TACC1: variants seen among roughly 807,000 people sequenced by gnomAD.
The protein encoded by TACC1 is transforming acidic coiled-coil-containing protein 1.
In TACC1, 48 loss-of-function variants were observed where a neutral mutation model predicts 84.4. The ratio of observed to expected loss-of-function variants is 0.57; its 90% confidence interval spans 0.45 to 0.72. TACC1 has a LOEUF of 0.72. Among genes scored for constraint, TACC1 ranks in the 30% least tolerant of loss-of-function variants. TACC1 has a pLI of 0.00. For synonymous variants in TACC1, 372 were observed against 376.3 expected (o/e 0.99, Z 0.13); for missense variants, 920 against 973.0 (o/e 0.95, Z 0.72).
chr8:38,812,063 C>G (rs1824300711), intron 2 of TACC1, among the ~76,000 whole-genome samples: 1 of 152,150 alleles, frequency 6.6e-6, no homozygotes, highest in Non-Finnish European at 1.5e-5. Flanking sequence ...GCAGTACCCT[C>G]AGGCTTACTA....
At chr8:38,744,305 G>C (rs1020814091) in intron 2 of TACC1, among the ~76,000 whole-genome samples, 1 of 151,836 alleles carries the variant, frequency 6.6e-6, no homozygotes, top group Non-Finnish European at 1.5e-5. Flanking sequence ...TAGTAGAGAC[G>C]GGGATTCACC....
At chr8:38,822,658 C>A (rs185555797) in intron 3 of TACC1, among the ~76,000 whole-genome samples, 92 of 152,266 alleles carry the variant, frequency 6.0e-4, no homozygotes, top group African/African-American at 2.0e-3. Context: ...CATGGTACAG[C>A]TATACAAAAA....
intron 2 of TACC1, among the ~76,000 whole-genome samples, chr8:38,799,105 G>T (rs910591681): frequency 2.0e-5 from 3 of 152,170 alleles, no homozygotes; most frequent in African/African-American, 7.2e-5. Context: ...CCAGAATCAC[G>T]CTTGTTTCCC....
Position 38,732,176 on chromosome 8 carries a change from G to GA in TACC1, c.-675+3505_-675+3506insA, listed in dbSNP as rs1563736312. Reference sequence around the variant, plus strand: ...AAGAAGAAAGGAAGGAAGGAAGGAAGGAAGGAAGAGGGAAAGGAAAGGAAA... The same window carrying GA: ...AAGAAGAAAGGAAGGAAGGAAGGAAGAGAAGGAAGAGGGAAAGGAAAGGAAA... On this transcript the variant is annotated intron_variant, in intron 1 of 14. Coordinates refer to the TACC1 transcript ENST00000518415. Among the ~76,000 whole-genome samples, 258 of 97,438 alleles carry GA rather than the reference G, an allele frequency of 2.6e-3. 1 individual carries two copies. The highest frequency in any genetic ancestry group is 8.0e-3 in the Admixed American group (80 of 10,030). 63.9% of individuals were successfully genotyped at this position (97,438 alleles called of 152,430 possible). A position where few individuals can be genotyped will look rare whatever the true frequency, so the allele number is the denominator to read the frequency against.
At chr8:38,833,200 G>A (rs1458177191) in intron 6 of TACC1, among the ~76,000 whole-genome samples, 1 of 152,182 alleles carries the variant, frequency 6.6e-6, no homozygotes, top group Admixed American at 6.5e-5. Flanking sequence ...TAGGCTTTTA[G>A]CAGCCTGAAG....
chr8:38,776,880 A>C (rs926718821), intron 3 of TACC1, among the ~76,000 whole-genome samples: 8 of 152,152 alleles, frequency 5.3e-5, no homozygotes. Context: ...AGATGCTGAA[A>C]TCCCCCAGAG....
intron 2 of TACC1, chr8:38,743,987 C>G (rs1317755709): frequency 6.6e-6 from 1 of 152,228 alleles, no homozygotes; most frequent in East Asian, 1.9e-4. Flanking sequence ...CAGCACATGG[C>G]TTGTACTTCA....
intron 7 of TACC1, 71 bp downstream of exon 7, chr8:38,836,358 T>G (rs1316426299): frequency 3.2e-6 from 5 of 1,567,298 alleles, no homozygotes; most frequent in Non-Finnish European, 4.3e-6. Flanking sequence ...GCAGGTAGAT[T>G]GCATCTCTGC....
chr8:38,793,188 T>A (rs1207019096), intron 2 of TACC1, among the ~76,000 whole-genome samples: 1 of 152,206 alleles, frequency 6.6e-6, no homozygotes, highest in East Asian at 1.9e-4. Flanking sequence ...CAAACTGTAG[T>A]TCTCTGGACT....
At chr8:38,766,500 A>G (rs58215145) in intron 3 of TACC1, among the ~76,000 whole-genome samples, 34,437 of 152,164 alleles carry the variant, frequency 0.23, 4,237 homozygotes, top group Non-Finnish European at 0.27. Context: ...CTGACGGCAT[A>G]GAATGTCACT....
intron 3 of TACC1, among the ~76,000 whole-genome samples, chr8:38,750,057 T>C (rs1808760624): frequency 6.6e-6 from 1 of 152,154 alleles, no homozygotes; most frequent in Admixed American, 6.5e-5. Flanking sequence ...CTTTTAGTCC[T>C]AGCCACTCAG....
At chr8:38,841,910 C>G (rs1831349248) in intron 9 of TACC1, among the ~76,000 whole-genome samples, 1 of 152,202 alleles carries the variant, frequency 6.6e-6, no homozygotes, top group African/African-American at 2.4e-5. Flanking sequence ...CGAAATGATA[C>G]TTTCTATCAT....
intron 2 of TACC1, among the ~76,000 whole-genome samples, chr8:38,795,908 A>AT (rs1819856158): frequency 6.6e-6 from 1 of 152,246 alleles, no homozygotes; most frequent in East Asian, 1.9e-4. Flanking sequence ...TAATAATGGC[A>AT]TGGAGTATTT....
chr8:38,787,289 G>C lies in TACC1; in HGVS notation c.-294G>C, dbSNP rs2151978711. On this transcript the variant is annotated 5_prime_UTR_variant, in exon 1 of 13. Transcript: ENST00000317827. Reference sequence around the variant, plus strand: ...AGAGGTCTAGCAGCCGGGCGCCGCGGGCCGGGGGCCTGAGGAGGCCACAGG... The same window carrying C: ...AGAGGTCTAGCAGCCGGGCGCCGCGCGCCGGGGGCCTGAGGAGGCCACAGG... 9.0e-7 allele frequency: 1 copy of C among 1,109,460 alleles called. No individual in the cohort carries two copies. Among genetic ancestry groups the C allele is most frequent in the East Asian group, 5.0e-5 (1 of 20,044 alleles). 68.7% of individuals were successfully genotyped at this position (1,109,460 alleles called of 1,614,324 possible).
At chr8:38,847,450 T>C (rs1399558125) in intron 12 of TACC1, among the ~76,000 whole-genome samples, 1 of 152,256 alleles carries the variant, frequency 6.6e-6, no homozygotes, top group Non-Finnish European at 1.5e-5. Flanking sequence ...AATTTTTAGC[T>C]TTCCGTTTTT....
intron 5 of TACC1, among the ~76,000 whole-genome samples, chr8:38,829,998 C>T (rs557042429): frequency 6.6e-6 from 1 of 152,214 alleles, no homozygotes; most frequent in South Asian, 2.1e-4. Flanking sequence ...AAAGCTGCCA[C>T]GTTGGTAAAA....
chr8:38,768,612 T>C (rs548095835), intron 3 of TACC1, among the ~76,000 whole-genome samples: 4 of 152,268 alleles, frequency 2.6e-5, no homozygotes, highest in African/African-American at 9.6e-5. Context: ...GTATGAATGG[T>C]CCAGGGGCTG....
chr8:38,775,829 A>G (rs1814699535), intron 3 of TACC1, among the ~76,000 whole-genome samples: 1 of 152,238 alleles, frequency 6.6e-6, no homozygotes, highest in African/African-American at 2.4e-5. Context: ...ATATTCCTAT[A>G]TCATACATGA....
At chr8:38,803,596 A>G (rs923085687) in intron 2 of TACC1, among the ~76,000 whole-genome samples, 1 of 152,216 alleles carries the variant, frequency 6.6e-6, no homozygotes, top group African/African-American at 2.4e-5. Flanking sequence ...GCAACCTTGC[A>G]TTCCTGGGAT....
Sources: gnomAD v4.1 joint callset for allele counts (sites outside exome capture counted in the v4.1 genomes callset) on GRCh38, gnomAD v4.1.1 for gene constraint, MANE v1.5 for transcripts, NCBI Gene and HGNC (gene_info 2026-07-23, HGNC 2026-07-21) for gene names.